LRRC3B: variants seen among roughly 807,000 people sequenced by gnomAD.
LRRC3B encodes leucine rich repeat containing 3B.
Under a neutral mutation model 12.8 loss-of-function variants are expected in LRRC3B, and 2 were observed. The ratio of observed to expected loss-of-function variants is 0.16; its 90% confidence interval spans 0.06 to 0.49. The LOEUF (loss-of-function observed/expected upper bound fraction) is 0.49. Among genes scored for constraint, LRRC3B ranks in the 20% least tolerant of loss-of-function variants. LRRC3B has a pLI of 0.96. For missense variants in LRRC3B, 189 were observed against 319.4 expected (o/e 0.59, Z 3.11); for synonymous variants, 132 against 122.0 (o/e 1.08, Z -0.54).
chr3:26,671,350 G>GTATGTATATATATA (rs1553603719), intron 1 of LRRC3B, among the ~76,000 whole-genome samples: 9 of 56,752 alleles, frequency 1.6e-4, no homozygotes, highest in Non-Finnish European at 2.4e-4. Context: ...ATATATGTGT[G>GTATGTATATATATA]TATATATATA....
intron 1 of LRRC3B, among the ~76,000 whole-genome samples, chr3:26,632,658 A>G (rs1426761474): frequency 3.3e-5 from 5 of 152,096 alleles, no homozygotes; most frequent in Non-Finnish European, 7.4e-5. Context: ...TAAGGGCAGG[A>G]TTTATAGTAA....
At chr3:26,690,431 T>C (rs1471655201) in intron 1 of LRRC3B, among the ~76,000 whole-genome samples, 1 of 152,142 alleles carries the variant, frequency 6.6e-6, no homozygotes, top group Non-Finnish European at 1.5e-5. Flanking sequence ...TGGTTTTATT[T>C]AAATGGGTGT....
intron 1 of LRRC3B, among the ~76,000 whole-genome samples, chr3:26,699,740 G>T (rs755390300): frequency 6.6e-6 from 1 of 152,154 alleles, no homozygotes; most frequent in Non-Finnish European, 1.5e-5. Context: ...AGTTTGCAAA[G>T]CTCTCACGTT....
Position 26,689,452 on chromosome 3 carries a change from G to A in LRRC3B, c.-160-20061G>A, listed in dbSNP as rs534584563. On this transcript the variant is annotated intron_variant, in intron 1 of 1. Coordinates refer to ENST00000396641, the Ensembl canonical transcript of LRRC3B. ...CTTCTGACAGTGGCCATCCCTGGGTGGCTTTCCCGGAGAACAGAGGTGTCA... is the reference window on the plus strand; with the variant it reads ...CTTCTGACAGTGGCCATCCCTGGGTAGCTTTCCCGGAGAACAGAGGTGTCA... 4.6e-5 allele frequency among the ~76,000 whole-genome samples: 7 copies of A among 152,282 alleles called. No individual in the cohort carries two copies. In the South Asian group the frequency reaches 1.0e-3, roughly 23 times the overall value.
At chr3:26,679,694 T>C (rs1220301885) in intron 1 of LRRC3B, among the ~76,000 whole-genome samples, 1 of 152,188 alleles carries the variant, frequency 6.6e-6, no homozygotes, top group Non-Finnish European at 1.5e-5. Context: ...CATTACATCA[T>C]TTATTTGGGT....
chr3:26,660,213 C>T (rs940157852), intron 1 of LRRC3B, among the ~76,000 whole-genome samples: 12 of 152,114 alleles, frequency 7.9e-5, no homozygotes, highest in African/African-American at 2.9e-4. Flanking sequence ...GTCTGGTTCC[C>T]GGATGCAGGT....
intron 1 of LRRC3B, among the ~76,000 whole-genome samples, chr3:26,671,069 G>A (rs1369120042): frequency 7.8e-6 from 1 of 127,976 alleles, no homozygotes; most frequent in Non-Finnish European, 1.6e-5. Flanking sequence ...AGGCTGGAGT[G>A]CAGTGGCGGG....
At chr3:26,651,519 A>G (rs950575247) in intron 1 of LRRC3B, among the ~76,000 whole-genome samples, 2 of 152,178 alleles carry the variant, frequency 1.3e-5, no homozygotes, top group South Asian at 2.1e-4. Context: ...GTGGTCAGAA[A>G]ATTTACTTTA....
intron 1 of LRRC3B, among the ~76,000 whole-genome samples, chr3:26,677,243 A>G (rs1699878762): frequency 6.6e-6 from 1 of 151,894 alleles, no homozygotes; most frequent in African/African-American, 2.4e-5. Context: ...CAAGGAAGCC[A>G]TGTTTTTTTC....
At chr3:26,703,717 T>C (rs1040593574) in intron 1 of LRRC3B, among the ~76,000 whole-genome samples, 1 of 151,474 alleles carries the variant, frequency 6.6e-6, no homozygotes, top group African/African-American at 2.4e-5. Flanking sequence ...TGCTGCAGAT[T>C]GTGCGTCAGA....
chr3:26,672,051 C>T (rs1391816538), intron 1 of LRRC3B, among the ~76,000 whole-genome samples: 2 of 152,178 alleles, frequency 1.3e-5, no homozygotes, highest in African/African-American at 2.4e-5. Context: ...TTCTCTGCAC[C>T]TCAACACCCC....
chr3:26,634,005 A>G (rs1698813502), intron 1 of LRRC3B, among the ~76,000 whole-genome samples: 1 of 151,702 alleles, frequency 6.6e-6, no homozygotes, highest in African/African-American at 2.4e-5. Context: ...ACAAAATAAA[A>G]CAAAACAAAA....
intron 1 of LRRC3B, among the ~76,000 whole-genome samples, chr3:26,677,393 T>C (rs1699882330): frequency 6.6e-6 from 1 of 152,128 alleles, no homozygotes; most frequent in Admixed American, 6.5e-5. Flanking sequence ...CTGGCAGTGG[T>C]CACAACCCCA....
intron 1 of LRRC3B, among the ~76,000 whole-genome samples, chr3:26,691,073 GTA>G (rs1161947381): frequency 1.9e-5 from 2 of 107,764 alleles, no homozygotes; most frequent in Non-Finnish European, 3.8e-5. Context: ...ATATATATAT[GTA>G]TATGTGTGTG....
At position 26,691,997 on chromosome 3, in the gene LRRC3B, A is replaced by T. The variant is rs571507695; in HGVS notation, c.-160-17516A>T. Among the ~76,000 whole-genome samples, 108 of 152,332 alleles carry T rather than the reference A, an allele frequency of 7.1e-4. 1 individual carries two copies. Among genetic ancestry groups the T allele is most frequent in the Admixed American group, 2.5e-3 (39 of 15,304 alleles). On this transcript the variant is annotated intron_variant, in intron 1 of 1. Coordinates refer to ENST00000396641, the Ensembl canonical transcript of LRRC3B. ...GCAAAAGAGCTTCTGAGAGCTGCAGAGAATCAACAGGCACTAGGATGGCTA... is the reference window on the plus strand; with the variant it reads ...GCAAAAGAGCTTCTGAGAGCTGCAGTGAATCAACAGGCACTAGGATGGCTA...
At chr3:26,650,152 T>C (rs1323142902) in intron 1 of LRRC3B, among the ~76,000 whole-genome samples, 1 of 152,220 alleles carries the variant, frequency 6.6e-6, no homozygotes, top group Non-Finnish European at 1.5e-5. Flanking sequence ...TCTCATAGCT[T>C]TGTGTGTCTC....
At chr3:26,671,425 C>T in intron 1 of LRRC3B, among the ~76,000 whole-genome samples, 1 of 82,280 alleles carries the variant, frequency 1.2e-5, no homozygotes, top group Non-Finnish European at 2.7e-5. Context: ...CGAAGTCTTG[C>T]TCTGTCGCCA....
chr3:26,659,693 A>C (rs1357425874), intron 1 of LRRC3B, among the ~76,000 whole-genome samples: 1 of 152,186 alleles, frequency 6.6e-6, no homozygotes, highest in Non-Finnish European at 1.5e-5. Context: ...ATACAAAAAA[A>C]ACCCTCTCTT....
chr3:26,685,807 T>C (rs1700076350), intron 1 of LRRC3B, among the ~76,000 whole-genome samples: 1 of 151,924 alleles, frequency 6.6e-6, no homozygotes, highest in Non-Finnish European at 1.5e-5. Context: ...ACTTGGGGTT[T>C]AAATACTGTG....
Sources: gnomAD v4.1 joint callset for allele counts (sites outside exome capture counted in the v4.1 genomes callset) on GRCh38, gnomAD v4.1.1 for gene constraint, MANE v1.5 for transcripts, NCBI Gene and HGNC (gene_info 2026-07-23, HGNC 2026-07-21) for gene names.